The following RBFOX2 variants were observed in gnomAD, a reference collection of about 807,000 sequenced individuals.
RBFOX2 encodes RNA binding protein fox-1 homolog 2.
A neutral mutation model predicts 49.1 loss-of-function variants in RBFOX2; 10 were observed. The observed-to-expected ratio is 0.20, with a 90% CI of 0.13 to 0.35. RBFOX2 has a LOEUF of 0.35. RBFOX2 is among the 10% of genes least tolerant of loss of function. RBFOX2 has a pLI of 1.00. For synonymous variants in RBFOX2, 183 were observed against 187.4 expected, an observed-to-expected ratio of 0.98 and a Z score of 0.19; for missense variants, 323 against 486.9, an observed-to-expected ratio of 0.66 and a Z score of 3.17.
intron 1 of RBFOX2, among the ~76,000 whole-genome samples, chr22:36,015,210 G>C (rs1405063651): frequency 1.3e-5 from 2 of 152,226 alleles, no homozygotes; most frequent in Non-Finnish European, 2.9e-5. Flanking sequence ...AGTCATGTAT[G>C]AAACTATGAC....
intron 1 of RBFOX2, chr22:35,961,443 C>T: frequency 2.7e-6 from 3 of 1,110,950 alleles, no homozygotes; most frequent in Non-Finnish European, 3.6e-6. Context: ...TGCAGCTCAG[C>T]ACAATTCCAC....
chr22:35,996,610 C>CAAAAAAAA (rs35378375), intron 1 of RBFOX2: 1 of 64,910 alleles, frequency 1.5e-5, no homozygotes, highest in Admixed American at 1.8e-4. Flanking sequence ...GACTCTGTCT[C>CAAAAAAAA]AAAAAAAAAA....
chr22:35,789,200 C>G (rs1947065137), intron 2 of RBFOX2, among the ~76,000 whole-genome samples: 1 of 150,708 alleles, frequency 6.6e-6, no homozygotes, highest in Admixed American at 6.6e-5. Flanking sequence ...GTGTTGTAAA[C>G]TTATGAAAAA....
chr22:35,740,392 A>AAC (rs1355858765), exon 12 of RBFOX2: 1 of 152,618 alleles, frequency 6.6e-6, no homozygotes, highest in Non-Finnish European at 1.5e-5. Flanking sequence ...CAAATGGTCA[A>AAC]ACATTTTCAA....
chr22:35,825,006 G>A (rs1406613178), intron 1 of RBFOX2, among the ~76,000 whole-genome samples: 1 of 152,178 alleles, frequency 6.6e-6, no homozygotes, highest in Non-Finnish European at 1.5e-5. Flanking sequence ...GATCACATGA[G>A]GTCAGGAGTT....
At position 35,759,993 on chromosome 22, in the gene RBFOX2, G is replaced by A; in HGVS notation, c.782C>T (p.Ala261Val). Reference sequence around the variant, plus strand: ...TCCTCTGAAAGCGGCTGCCGTGGTGGCTGCAGTAGGGTAAGGGAAGCCAGG... The same window carrying A: ...TCCTCTGAAAGCGGCTGCCGTGGTGACTGCAGTAGGGTAAGGGAAGCCAGG... Residue 261 changes from alanine (A) to valine (V), a missense_variant, in exon 9 of 12, where the codon GCC becomes GTC. Coordinates refer to ENST00000405409, the Ensembl canonical transcript of RBFOX2. The surrounding 1 kb of genome is among the most constrained non-coding windows in gnomAD (Gnocchi z 4.6). 6.2e-7 allele frequency: 1 copy of A among 1,613,904 alleles called. No individual in the cohort carries two copies. The highest frequency in any genetic ancestry group is 8.5e-7 in the Non-Finnish European group (1 of 1,180,044).
intron 1 of RBFOX2, among the ~76,000 whole-genome samples, chr22:35,900,593 TAAA>T (rs34716261): frequency 7.3e-6 from 1 of 136,652 alleles, no homozygotes; most frequent in Non-Finnish European, 1.6e-5. Flanking sequence ...GAAGCTGACT[TAAA>T]AAAAAAAAAA....
intron 2 of RBFOX2, among the ~76,000 whole-genome samples, chr22:35,795,690 T>C (rs1173776613): frequency 7.4e-6 from 1 of 135,200 alleles, no homozygotes; most frequent in Non-Finnish European, 1.6e-5. Flanking sequence ...GGCTTTCCAG[T>C]GAGGAGGGTT....
chr22:35,938,583 A>G (rs1449825547), intron 1 of RBFOX2, among the ~76,000 whole-genome samples: 1 of 152,234 alleles, frequency 6.6e-6, no homozygotes, highest in Non-Finnish European at 1.5e-5. Context: ...ATTATTATGT[A>G]GCCTGGAGAA....
chr22:35,966,881 T>C (rs1380821761), intron 1 of RBFOX2, among the ~76,000 whole-genome samples: 1 of 151,958 alleles, frequency 6.6e-6, no homozygotes, highest in Non-Finnish European at 1.5e-5. Context: ...GGTGCAATCA[T>C]AGCTCACTGC....
At position 36,001,184 on chromosome 22, in the gene RBFOX2, TACACACACACACACACACACAC is replaced by T. The variant is rs57905429; in HGVS notation, c.186+27034_186+27055del. Among the ~76,000 whole-genome samples the T allele has an allele frequency of 3.9e-3, 519 of 133,682 alleles. 5 individuals are homozygous for T. Among genetic ancestry groups the T allele is most frequent in the Non-Finnish European group, 3.3e-3 (207 of 61,966 alleles). The allele number at this position is 133,682 out of a possible 152,430, so 87.7% of individuals were successfully genotyped here. ...AATGTTTTTCTCTGGCCCCAAAACATACACACACACACACACACACACACACACACACACACACACACACACA... is the reference window on the plus strand; with the variant it reads ...AATGTTTTTCTCTGGCCCCAAAACATACACACACACACACACACACACACA... On this transcript the variant is annotated intron_variant, in intron 1 of 13. Transcript: ENST00000438146.
chr22:35,979,840 T>C (rs1002165469), intron 1 of RBFOX2, among the ~76,000 whole-genome samples: 2 of 152,228 alleles, frequency 1.3e-5, no homozygotes, highest in African/African-American at 4.8e-5. Context: ...GTCAGTGCCA[T>C]ACTAACTCAG....
chr22:35,888,586 C>T (rs1423119147), intron 1 of RBFOX2, among the ~76,000 whole-genome samples: 1 of 152,142 alleles, frequency 6.6e-6, no homozygotes, highest in Non-Finnish European at 1.5e-5. Context: ...GTGGCACTGG[C>T]ACCTGCATCT....
At chr22:35,791,905 T>C (rs1947748951) in intron 2 of RBFOX2, among the ~76,000 whole-genome samples, 1 of 152,122 alleles carries the variant, frequency 6.6e-6, no homozygotes, top group Admixed American at 6.5e-5. Context: ...GTAAGGGACA[T>C]AGTTCTGAAA....
chr22:35,926,349 G>A (rs1377558443), intron 1 of RBFOX2, among the ~76,000 whole-genome samples: 4 of 152,200 alleles, frequency 2.6e-5, no homozygotes, highest in Non-Finnish European at 5.9e-5. Flanking sequence ...TTTGAAAATT[G>A]CTAATGGAAA....
At chr22:36,006,712 T>C (rs1373589492) in intron 1 of RBFOX2, among the ~76,000 whole-genome samples, 1 of 152,222 alleles carries the variant, frequency 6.6e-6, no homozygotes, top group Non-Finnish European at 1.5e-5. Flanking sequence ...GCAGTTCCTC[T>C]CATACCTTGC....
At chr22:35,805,865 G>T (rs1386946441) in intron 2 of RBFOX2, among the ~76,000 whole-genome samples, 1 of 152,120 alleles carries the variant, frequency 6.6e-6, no homozygotes, top group East Asian at 1.9e-4. Context: ...CTAAGTGAAA[G>T]AAGCCAATCA....
At chr22:35,948,373 G>A (rs2054548741) in intron 1 of RBFOX2, among the ~76,000 whole-genome samples, 1 of 152,046 alleles carries the variant, frequency 6.6e-6, no homozygotes, top group Admixed American at 6.6e-5. Context: ...ATTCAATCAT[G>A]ACAAAATTAT....
chr22:35,877,177 A>G (rs1254272686), intron 1 of RBFOX2, among the ~76,000 whole-genome samples: 1 of 152,228 alleles, frequency 6.6e-6, no homozygotes, highest in Non-Finnish European at 1.5e-5. Context: ...TTATTTGATA[A>G]TGAAACAAAG....
Sources: allele counts gnomAD v4.1 joint callset (sites outside exome capture counted in the v4.1 genomes callset), GRCh38; gene constraint gnomAD v4.1.1; non-coding constraint Gnocchi (gnomAD v3.1); transcripts MANE v1.5; gene names NCBI Gene and HGNC (gene_info 2026-07-23, HGNC 2026-07-21).